The following KCNMB2 variants were observed in gnomAD, a reference collection of about 807,000 sequenced individuals.
KCNMB2 encodes calcium-activated potassium channel subunit beta-2.
In KCNMB2, 9 loss-of-function variants were observed where a neutral mutation model predicts 24.5. The observed-to-expected ratio is 0.37, with a 90% CI of 0.22 to 0.64. The LOEUF is 0.64. Ranked by LOEUF, KCNMB2 falls within the 30% of genes least tolerant of loss-of-function variation. The pLI, the probability that KCNMB2 is intolerant of heterozygous loss-of-function variation, is 0.63. For missense variants in KCNMB2, 226 were observed against 284.3 expected (o/e 0.79, Z 1.47); for synonymous variants, 109 against 104.4 (o/e 1.04, Z -0.27).
intron 1 of KCNMB2, among the ~76,000 whole-genome samples, chr3:178,549,475 T>A (rs1037573010): frequency 3.8e-5 from 3 of 78,872 alleles, no homozygotes; most frequent in Admixed American, 1.4e-4. Context: ...AATGCCCAGC[T>A]TTTTTTTTTT....
At chr3:178,570,515 C>CTTTTTTTTTTT (rs200106452) in intron 1 of KCNMB2, among the ~76,000 whole-genome samples, 25 of 114,586 alleles carry the variant, frequency 2.2e-4, no homozygotes, top group African/African-American at 6.7e-4. Flanking sequence ...GTAATGATAC[C>CTTTTTTTTTTT]TTTTTTTTTT....
intron 1 of KCNMB2, among the ~76,000 whole-genome samples, chr3:178,621,400 G>A (rs1718915482): frequency 1.3e-5 from 2 of 151,632 alleles, no homozygotes; most frequent in African/African-American, 4.8e-5. Flanking sequence ...ATTTCTTTGG[G>A]TCTCTGCTTA....
At position 178,843,824 on chromosome 3, in the gene KCNMB2, A is replaced by G. The variant is rs1715514172; in HGVS notation, c.*887A>G. ...GGTAAAAATTGGTGGACTGGTTTCA[A>G]TGGGTAAATGTGTTGTGGCAAATTA... is the stretch of plus-strand genomic sequence containing the variant. On this transcript the variant is annotated 3_prime_UTR_variant, in exon 5 of 5. Transcript: ENST00000452583. 1 of 152,212 alleles carries G rather than the reference A, an allele frequency of 6.6e-6. No individual in the cohort carries two copies. The highest frequency in any genetic ancestry group is 6.5e-5 in the Admixed American group (1 of 15,274). 9.4% of individuals were successfully genotyped at this position (152,212 alleles called of 1,614,324 possible).
At chr3:178,690,657 T>C (rs947816437) in intron 1 of KCNMB2, among the ~76,000 whole-genome samples, 10 of 152,226 alleles carry the variant, frequency 6.6e-5, no homozygotes, top group East Asian at 1.9e-4. Flanking sequence ...CCTTGGATTA[T>C]TTAAATTATG....
At chr3:178,595,465 C>G (rs1433738733) in intron 1 of KCNMB2, among the ~76,000 whole-genome samples, 1 of 152,034 alleles carries the variant, frequency 6.6e-6, no homozygotes. Flanking sequence ...CAAATCTTAT[C>G]TTGAATTGCA....
chr3:178,645,590 G>C (rs1483544507), intron 1 of KCNMB2, among the ~76,000 whole-genome samples: 1 of 152,220 alleles, frequency 6.6e-6, no homozygotes, highest in Non-Finnish European at 1.5e-5. Context: ...CTGGGAGCCA[G>C]TGTAGGAGAA....
At chr3:178,626,619 C>A (rs929210142) in intron 1 of KCNMB2, among the ~76,000 whole-genome samples, 2 of 152,008 alleles carry the variant, frequency 1.3e-5, no homozygotes, top group African/African-American at 4.8e-5. Flanking sequence ...TGGGAAGAGC[C>A]TCTTATAAAA....
intron 1 of KCNMB2, among the ~76,000 whole-genome samples, chr3:178,607,786 T>C (rs1718329104): frequency 1.3e-5 from 2 of 152,176 alleles, no homozygotes; most frequent in South Asian, 4.1e-4. Context: ...ATAAGTAATT[T>C]CCTTCTATGC....
chr3:178,676,183 C>G (rs547240664), intron 1 of KCNMB2, among the ~76,000 whole-genome samples: 1 of 152,128 alleles, frequency 6.6e-6, no homozygotes, highest in Non-Finnish European at 1.5e-5. Context: ...CATAGCAGTG[C>G]TAAGGCCCCA....
chr3:178,735,178 G>A (rs971718139), intron 1 of KCNMB2, among the ~76,000 whole-genome samples: 2 of 152,228 alleles, frequency 1.3e-5, no homozygotes, highest in East Asian at 3.9e-4. Context: ...TAGCCAGAGA[G>A]TGACAGGGAT....
intron 1 of KCNMB2, among the ~76,000 whole-genome samples, chr3:178,592,471 T>C (rs1310650783): frequency 4.6e-5 from 7 of 152,122 alleles, no homozygotes; most frequent in Non-Finnish European, 1.0e-4. Flanking sequence ...GTGTAATGCA[T>C]AAAAATCAGG....
Position 178,842,836 on chromosome 3 carries a change from C to T in KCNMB2, c.607C>T (p.Pro203Ser). ...SNVLFHSLFW[P>S]TCMMAGGVAI... The stretch of plus-strand genomic sequence containing the variant: ...CGTGCTGTTCCATTCACTCTTCTGG[C>T]CAACCTGTATGATGGCTGGGGGTGT... The change falls in exon 5 of 5, where the codon CCA becomes TCA. Residue 203 changes from proline to serine, a missense_variant. By Grantham distance (74) the Pro-to-Ser change is moderately conservative (BLOSUM62 -1). Coordinates refer to ENST00000452583, the MANE Select transcript of KCNMB2 (RefSeq NM_181361.3). The T allele has an allele frequency of 1.9e-6, 3 of 1,613,984 alleles. No homozygotes were observed. The highest frequency in any genetic ancestry group is 2.5e-6 in the Non-Finnish European group (3 of 1,179,878).
At chr3:178,824,948 C>T (rs184409685) in intron 2 of KCNMB2, among the ~76,000 whole-genome samples, 5 of 152,222 alleles carry the variant, frequency 3.3e-5, no homozygotes, top group East Asian at 1.9e-4. Context: ...GGCCTGGGCT[C>T]GATTTGAATG....
intron 1 of KCNMB2, among the ~76,000 whole-genome samples, chr3:178,574,086 T>C (rs767265932): frequency 2.3e-4 from 35 of 152,286 alleles, no homozygotes; most frequent in Admixed American, 1.4e-3. Context: ...GAGCCAAACA[T>C]GTGGCACTCT....
At chr3:178,654,519 A>G (rs929539368) in intron 1 of KCNMB2, among the ~76,000 whole-genome samples, 13 of 152,238 alleles carry the variant, frequency 8.5e-5, no homozygotes, top group African/African-American at 3.1e-4. Context: ...TTAATGGCAA[A>G]AATGAATGAG....
At chr3:178,763,663 G>C (rs1712002441) in intron 1 of KCNMB2, among the ~76,000 whole-genome samples, 1 of 152,172 alleles carries the variant, frequency 6.6e-6, no homozygotes, top group Non-Finnish European at 1.5e-5. Context: ...ATGACCATGG[G>C]AGAGAGTGGG....
chr3:178,795,401 T>C (rs4398411), intron 1 of KCNMB2, among the ~76,000 whole-genome samples: 105,387 of 152,156 alleles, frequency 0.69, 37,426 homozygotes, highest in African/African-American at 0.87. Flanking sequence ...ACATCACGAC[T>C]CCAGAAGCTA....
At chr3:178,711,105 C>T (rs1185694051) in intron 1 of KCNMB2, among the ~76,000 whole-genome samples, 1 of 151,996 alleles carries the variant, frequency 6.6e-6, no homozygotes, top group Admixed American at 6.6e-5. Flanking sequence ...TAAAAATCAC[C>T]TGAGGTAGAT....
chr3:178,666,413 T>C (rs1720720516), intron 1 of KCNMB2, among the ~76,000 whole-genome samples: 1 of 152,128 alleles, frequency 6.6e-6, no homozygotes, highest in African/African-American at 2.4e-5. Flanking sequence ...GTGACCTGCA[T>C]GGTAATATAG....
Sources: allele counts gnomAD v4.1 joint callset (sites outside exome capture counted in the v4.1 genomes callset), GRCh38; gene constraint gnomAD v4.1.1; transcripts MANE v1.5; gene names NCBI Gene and HGNC (gene_info 2026-07-23, HGNC 2026-07-21).